SPATA6: variants seen among roughly 807,000 people sequenced by gnomAD.
The protein encoded by SPATA6 is spermatogenesis-associated protein 6.
A neutral mutation model predicts 65.3 loss-of-function variants in SPATA6; 56 were observed. The observed-to-expected ratio is 0.86, with a 90% CI of 0.69 to 1.07. The LOEUF is 1.07. Among genes scored for constraint, SPATA6 ranks in the 50% least tolerant of loss-of-function variants. The pLI is 0.00. For missense variants in SPATA6, 590 were observed against 594.8 expected (o/e 0.99, Z 0.08); for synonymous variants, 199 against 213.2 (o/e 0.93, Z 0.58).
chr1:48,457,229 C>G (rs537791531), intron 1 of SPATA6, among the ~76,000 whole-genome samples: 8 of 152,022 alleles, frequency 5.3e-5, no homozygotes. Context: ...GTCAGGAGTT[C>G]GAGACCAGCT....
At chr1:48,427,593 T>A (rs572737057) in intron 3 of SPATA6, among the ~76,000 whole-genome samples, 30 of 152,312 alleles carry the variant, frequency 2.0e-4, no homozygotes, top group Non-Finnish European at 3.4e-4. Flanking sequence ...AAAAATGACA[T>A]AATTTTGATA....
downstream of SPATA6, among the ~76,000 whole-genome samples, chr1:48,293,481 T>A (rs1184404079): frequency 2.6e-5 from 4 of 152,150 alleles, no homozygotes; most frequent in Non-Finnish European, 5.9e-5. Context: ...TCTATCAGAT[T>A]GTTGTTTGTG....
At chr1:48,336,424 A>G (rs147518861) in intron 11 of SPATA6, among the ~76,000 whole-genome samples, 1 of 152,260 alleles carries the variant, frequency 6.6e-6, no homozygotes, top group African/African-American at 2.4e-5. Context: ...TGTGGTACAT[A>G]CATACCATGG....
intron 9 of SPATA6, among the ~76,000 whole-genome samples, chr1:48,376,379 A>G (rs1359664600): frequency 6.6e-6 from 1 of 152,158 alleles, no homozygotes. Context: ...GTGAACTCCA[A>G]CCTAGCCCTT....
intron 3 of SPATA6, among the ~76,000 whole-genome samples, chr1:48,424,527 G>A (rs143831666): frequency 1.3e-5 from 2 of 152,204 alleles, no homozygotes; most frequent in East Asian, 3.9e-4. Flanking sequence ...TGGATCATAT[G>A]GTAACTCTTA....
the SPATA6 span, among the ~76,000 whole-genome samples, chr1:48,276,325 G>C: frequency 1.2e-4 from 18 of 151,718 alleles, no homozygotes; most frequent in Admixed American, 1.1e-3. Context: ...GGTTTTTCAT[G>C]TCTCTTTCTC....
At position 48,428,954 on chromosome 1, in the gene SPATA6, T is replaced by C. The variant is rs1192691864; in HGVS notation, c.239-15803A>G. 2.0e-5 allele frequency among the ~76,000 whole-genome samples: 3 copies of C among 151,830 alleles called. No individual in the cohort carries two copies. In the East Asian group the frequency reaches 5.8e-4, roughly 29 times the overall value. ...ATTTGATGTAACTATTTTGGAAGAC[T>C]AGAGTCTATCAAAGGTTTGCAACTT... On this transcript the variant is annotated intron_variant, in intron 3 of 12. Transcript: ENST00000371847.
the SPATA6 span, among the ~76,000 whole-genome samples, chr1:48,278,579 T>C: frequency 6.6e-6 from 1 of 152,018 alleles, no homozygotes; most frequent in African/African-American, 2.4e-5. Flanking sequence ...AGAAAGGGTA[T>C]CAGTGATGGA....
the SPATA6 span, among the ~76,000 whole-genome samples, chr1:48,267,818 C>T: frequency 2.3e-5 from 3 of 130,944 alleles, no homozygotes; most frequent in Non-Finnish European, 3.1e-5. Flanking sequence ...GTGACACGAT[C>T]TCGGCTCACT....
At chr1:48,308,558 A>C (rs1230361210) in intron 11 of SPATA6, among the ~76,000 whole-genome samples, 1 of 152,130 alleles carries the variant, frequency 6.6e-6, no homozygotes, top group Admixed American at 6.6e-5. Flanking sequence ...TTATTTCTTC[A>C]TGTGAATCTG....
rs781669150 is a variant in SPATA6, at chr1:48,423,564, CTTTT to C, written c.239-10417_239-10414del. On this transcript the variant is annotated intron_variant, in intron 3 of 12. Coordinates refer to ENST00000371847, the MANE Select transcript of SPATA6 (RefSeq NM_019073.4). ...AATGTTTAATTTTCTTTCTTTCTTT[CTTTT>C]TTTTTTTTTTTTTTTGTCACACAGG... 3.3e-5 allele frequency among the ~76,000 whole-genome samples: 4 copies of C among 121,040 alleles called. No individual in the cohort carries two copies. The Admixed American group carries it at 3.3e-4, about 10-fold the overall frequency. The allele number at this position is 121,040 out of a possible 152,430, so 79.4% of individuals were successfully genotyped here.
intron 9 of SPATA6, among the ~76,000 whole-genome samples, chr1:48,365,710 T>G (rs1010998575): frequency 3.9e-4 from 60 of 152,168 alleles, no homozygotes; most frequent in African/African-American, 1.4e-3. Context: ...TGATGGGGTT[T>G]TCTAGATATA....
At chr1:48,325,626 T>C (rs886241441) in intron 11 of SPATA6, 20 of 732,332 alleles carry the variant, frequency 2.7e-5, no homozygotes, top group Non-Finnish European at 4.9e-5. Context: ...TTGAACTATG[T>C]CAGGTTATCA....
intron 1 of SPATA6, among the ~76,000 whole-genome samples, chr1:48,463,893 C>G (rs1657625690): frequency 6.6e-6 from 1 of 151,934 alleles, no homozygotes; most frequent in Non-Finnish European, 1.5e-5. Context: ...AACTGTACAT[C>G]CTGACTTAAA....
At chr1:48,428,773 A>ATGTG (rs1308795485) in intron 3 of SPATA6, among the ~76,000 whole-genome samples, 1 of 63,212 alleles carries the variant, frequency 1.6e-5, no homozygotes, top group African/African-American at 5.5e-5. Context: ...ATAGGTGTAT[A>ATGTG]TATGTGTGTG....
At chr1:48,371,618 A>T (rs1647295901) in intron 9 of SPATA6, among the ~76,000 whole-genome samples, 1 of 152,204 alleles carries the variant, frequency 6.6e-6, no homozygotes, top group African/African-American at 2.4e-5. Flanking sequence ...CTGCCCAAGG[A>T]CTTATGCTGA....
chr1:48,336,320 A>G (rs1448319705), intron 11 of SPATA6, among the ~76,000 whole-genome samples: 3 of 152,114 alleles, frequency 2.0e-5, no homozygotes, highest in Non-Finnish European at 4.4e-5. Flanking sequence ...CAACAAAGAT[A>G]CATGCATGTG....
chr1:48,424,678 A>G (rs185937729), intron 3 of SPATA6, among the ~76,000 whole-genome samples: 420 of 152,286 alleles, frequency 2.8e-3, no homozygotes, highest in African/African-American at 8.5e-3. Context: ...GATAAAAGCC[A>G]TTTTAACTAC....
At chr1:48,285,626 AG>A in the SPATA6 span, among the ~76,000 whole-genome samples, 1 of 152,162 alleles carries the variant, frequency 6.6e-6, no homozygotes, top group Non-Finnish European at 1.5e-5. Flanking sequence ...GTAAAAGAAT[AG>A]TATCTGGGCC....
Sources: gnomAD v4.1 joint callset for allele counts (sites outside exome capture counted in the v4.1 genomes callset) on GRCh38, gnomAD v4.1.1 for gene constraint, MANE v1.5 for transcripts, NCBI Gene and HGNC (gene_info 2026-07-23, HGNC 2026-07-21) for gene names.